Variants in ATP8A2 observed in about 807,000 individuals in gnomAD.
ATP8A2 encodes ATPase phospholipid transporting 8A2, also known as phospholipid-transporting ATPase IB.
ATP8A2 carries 100 observed loss-of-function variants against 165.6 expected under a neutral mutation model. The observed-to-expected ratio is 0.60, with a 90% CI of 0.51 to 0.71. The LOEUF is 0.71. Ranked by LOEUF, ATP8A2 falls within the 30% of genes least tolerant of loss-of-function variation. The probability of loss-of-function intolerance (pLI) is 0.00; values close to 1 mark genes in which losing one functional copy is unlikely to be tolerated. For synonymous variants in ATP8A2, 543 were observed against 548.8 expected (o/e 0.99, Z 0.15); for missense variants, 1,227 against 1,479.5 (o/e 0.83, Z 2.80).
At position 25,480,779 on chromosome 13, in the gene ATP8A2, G is replaced by C. The variant is rs1435944192; in HGVS notation, c.221+11658G>C. Among the ~76,000 whole-genome samples the C allele has an allele frequency of 8.6e-5, 13 of 150,356 alleles. 1 individual carries two copies. In the South Asian group the frequency reaches 1.5e-3, roughly 17 times the overall value. On this transcript the variant is annotated intron_variant, in intron 2 of 36. Coordinates refer to ENST00000381655, the MANE Select transcript of ATP8A2 (RefSeq NM_016529.6). Reference sequence around the variant, plus strand: ...GGCGGCCGGGCAGAGGCTGCACTCTGGGCACTTTGGGAGGCCAAGGCAGGT... The same window carrying C: ...GGCGGCCGGGCAGAGGCTGCACTCTCGGCACTTTGGGAGGCCAAGGCAGGT...
chr13:25,802,591 C>CT (rs1459192547), intron 27 of ATP8A2, among the ~76,000 whole-genome samples: 1 of 152,120 alleles, frequency 6.6e-6, no homozygotes, highest in African/African-American at 2.4e-5. Context: ...GGAAATGCAG[C>CT]TGCTGGAATT....
chr13:25,829,724 C>A, intron 28 of ATP8A2, among the ~76,000 whole-genome samples: 1 of 77,978 alleles, frequency 1.3e-5, no homozygotes, highest in Non-Finnish European at 2.5e-5. Context: ...ATATATATCA[C>A]CTGCTTATAG....
Position 26,023,363 on chromosome 13 carries a change from G to A in ATP8A2, c.*3378G>A, listed in dbSNP as rs1436544572. The A allele has an allele frequency of 6.6e-6, 1 of 152,150 alleles. No individual in the cohort carries two copies. Among genetic ancestry groups the A allele is most frequent in the East Asian group, 1.9e-4 (1 of 5,182 alleles). The allele number at this position is 152,150 out of a possible 1,614,324, so 9.4% of individuals were successfully genotyped here. A position where few individuals can be genotyped will look rare whatever the true frequency, so the allele number is the denominator to read the frequency against. ...CCTGAGAAGTGAACCTGGGCTTTGG[G>A]AGAGCTCAGCTGAGAATTCTGTTGA... On this transcript the variant is annotated 3_prime_UTR_variant, in exon 37 of 37. Transcript: ENST00000381655.
intron 33 of ATP8A2, among the ~76,000 whole-genome samples, chr13:25,918,592 T>G (rs1026327188): frequency 3.9e-5 from 6 of 152,186 alleles, no homozygotes; most frequent in African/African-American, 1.2e-4. Flanking sequence ...TGTTATAATA[T>G]ATTATAATTG....
At chr13:25,695,823 G>A (rs1328688766) in intron 24 of ATP8A2, among the ~76,000 whole-genome samples, 1 of 151,940 alleles carries the variant, frequency 6.6e-6, no homozygotes, top group African/African-American at 2.4e-5. Flanking sequence ...AGTTATGCAT[G>A]AGGGTTGAAA....
At chr13:25,831,917 A>G (rs1951484517) in intron 28 of ATP8A2, among the ~76,000 whole-genome samples, 1 of 131,424 alleles carries the variant, frequency 7.6e-6, no homozygotes, top group Non-Finnish European at 1.6e-5. Flanking sequence ...GATTTTCATT[A>G]TATCCATAGT....
chr13:25,752,157 T>TA (rs2044165555), intron 25 of ATP8A2, among the ~76,000 whole-genome samples: 2 of 152,010 alleles, frequency 1.3e-5, no homozygotes, highest in Admixed American at 6.6e-5. Context: ...TGGCTATTTA[T>TA]CCTAAGAAAT....
chr13:25,441,453 C>T (rs1241093001), intron 1 of ATP8A2, among the ~76,000 whole-genome samples: 1 of 152,174 alleles, frequency 6.6e-6, no homozygotes, highest in African/African-American at 2.4e-5. Flanking sequence ...AAATCCATGT[C>T]ATGAGAGGAA....
chr13:25,536,990 C>T (rs944125090), intron 6 of ATP8A2, among the ~76,000 whole-genome samples: 2 of 152,236 alleles, frequency 1.3e-5, no homozygotes, highest in African/African-American at 4.8e-5. Flanking sequence ...AAAGCTAGCA[C>T]ACGGCTATAA....
At chr13:25,804,108 A>G (rs1051522639) in intron 27 of ATP8A2, among the ~76,000 whole-genome samples, 1 of 152,210 alleles carries the variant, frequency 6.6e-6, no homozygotes, top group South Asian at 2.1e-4. Flanking sequence ...TGCATATCAT[A>G]TATTGTATAC....
intron 33 of ATP8A2, among the ~76,000 whole-genome samples, chr13:25,925,397 G>A (rs1954572598): frequency 1.3e-5 from 2 of 152,056 alleles, no homozygotes; most frequent in Admixed American, 1.3e-4. Flanking sequence ...AGCCGGGTGT[G>A]GTGGCAGGCG....
At chr13:25,989,994 GGTTTTAGAAAGTCAGCA>G (rs546550407) in intron 35 of ATP8A2, among the ~76,000 whole-genome samples, 57 of 152,288 alleles carry the variant, frequency 3.7e-4, no homozygotes, top group African/African-American at 1.4e-3. Flanking sequence ...CCTTAGAGCG[GGTTTTAGAAAGTCAGCA>G]GGCCAGCGCC....
At chr13:25,547,788 C>CT (rs1442610441) in intron 10 of ATP8A2, among the ~76,000 whole-genome samples, 1 of 152,150 alleles carries the variant, frequency 6.6e-6, no homozygotes, top group Admixed American at 6.5e-5. Flanking sequence ...AATAAAATAT[C>CT]TAAGATACAG....
chr13:25,586,472 G>C (rs921017830), intron 23 of ATP8A2, among the ~76,000 whole-genome samples: 5 of 152,184 alleles, frequency 3.3e-5, no homozygotes, highest in Non-Finnish European at 5.9e-5. Flanking sequence ...GTGCTCCAGG[G>C]ACAAGGCCTC....
At chr13:25,575,425 T>G (rs946350652) in intron 19 of ATP8A2, among the ~76,000 whole-genome samples, 2 of 152,212 alleles carry the variant, frequency 1.3e-5, no homozygotes, top group Admixed American at 6.5e-5. Flanking sequence ...TCATAGTTGG[T>G]TATAAGGAAA....
chr13:25,389,397 C>T (rs774605916), intron 1 of ATP8A2, among the ~76,000 whole-genome samples: 1 of 152,162 alleles, frequency 6.6e-6, no homozygotes, highest in Non-Finnish European at 1.5e-5. Context: ...AGCATCAGCA[C>T]TGGCACAGTC....
intron 35 of ATP8A2, among the ~76,000 whole-genome samples, chr13:26,000,527 A>T (rs1215041554): frequency 6.6e-6 from 1 of 152,036 alleles, no homozygotes; most frequent in African/African-American, 2.4e-5. Context: ...CTTCTCTAGG[A>T]TTTGTCAGCT....
chr13:25,828,111 C>G lies in ATP8A2; in HGVS notation c.2680-7C>G, dbSNP rs1250211026. 6.2e-7 allele frequency: 1 copy of G among 1,612,702 alleles called. No individual in the cohort carries two copies. The highest frequency in any genetic ancestry group is 1.7e-5 in the Admixed American group (1 of 60,008). ...TATAAAACTTCATGAGCTTTCTTCT[C>G]TTTCAGCTTTGGTTCGCCTTTGTTA... On this transcript the variant is annotated splice_region_variant and splice_polypyrimidine_tract_variant and intron_variant, in intron 27 of 36. Coordinates refer to ENST00000381655, the MANE Select transcript of ATP8A2 (RefSeq NM_016529.6).
chr13:25,576,079 T>G (rs2138207809), intron 19 of ATP8A2, among the ~76,000 whole-genome samples: 1 of 152,320 alleles, frequency 6.6e-6, no homozygotes, highest in South Asian at 2.1e-4. Context: ...CGCGAAGTAC[T>G]TGCTTTACAC....
Sources: allele counts gnomAD v4.1 joint callset (sites outside exome capture counted in the v4.1 genomes callset), GRCh38; gene constraint gnomAD v4.1.1; transcripts MANE v1.5; gene names NCBI Gene and HGNC (gene_info 2026-07-23, HGNC 2026-07-21).